Variants in GCC2 observed in about 807,000 individuals in gnomAD.
The protein encoded by GCC2 is GRIP and coiled-coil domain-containing protein 2.
In GCC2, 120 loss-of-function variants were observed where a neutral mutation model predicts 210.6. The observed-to-expected ratio is 0.57, with a 90% CI of 0.49 to 0.66. The LOEUF is 0.66. Among genes scored for constraint, GCC2 ranks in the 30% least tolerant of loss-of-function variants. The probability of loss-of-function intolerance (pLI) is 0.00; values close to 1 mark genes in which losing one functional copy is unlikely to be tolerated. For missense variants in GCC2, 1,868 were observed against 1,871.9 expected (o/e 1.00, Z 0.04); for synonymous variants, 703 against 652.7 (o/e 1.08, Z -1.17).
In GCC2 at chr2:108,469,002, C is replaced by T. The variant is rs1199929849; in HGVS notation, c.239C>T (p.Ala80Val). 1 of 1,611,768 alleles carries T rather than the reference C, an allele frequency of 6.2e-7. No individual in the cohort carries two copies. Among genetic ancestry groups the T allele is most frequent in the East Asian group, 2.2e-5 (1 of 44,800 alleles). The change falls in exon 5 of 23, where the codon GCT (alanine) becomes GTT (valine). Residue 80 changes from alanine to valine, a missense_variant. Coordinates refer to ENST00000309863, the MANE Select transcript of GCC2 (RefSeq NM_181453.4). Reference sequence around the variant, plus strand: ...TAGGCATTAACTGAACGTCTGGATGCTCTTCTTCTGGAAAAAGCAGAGACT... The same window carrying T: ...TAGGCATTAACTGAACGTCTGGATGTTCTTCTTCTGGAAAAAGCAGAGACT... The part of the protein sequence containing the change: ...IIKALTERLD[A>V]LLLEKAETEQ...
rs149724296 is a variant in GCC2, at chr2:108,472,803, T to G, written c.2788-24T>G. The G allele has an allele frequency of 2.3e-4, 322 of 1,398,720 alleles. 4 individuals carry two copies. In the African/African-American group the frequency reaches 4.1e-3, roughly 18 times the overall value. 86.6% of individuals were successfully genotyped at this position (1,398,720 alleles called of 1,614,324 possible). The stretch of plus-strand genomic sequence containing the variant: ...TTCTGGTTTTTGTTTTGTTTTGTGT[T>G]TTTTTTTCCCCTGTAAAATCTAGGA... On this transcript the variant is annotated intron_variant, in intron 6 of 22. Coordinates refer to ENST00000309863, the MANE Select transcript of GCC2 (RefSeq NM_181453.4).
At chr2:108,501,052 GTGGT>G (rs1427249596) in intron 22 of GCC2, among the ~76,000 whole-genome samples, 1 of 152,096 alleles carries the variant, frequency 6.6e-6, no homozygotes, top group Non-Finnish European at 1.5e-5. Context: ...CTGGAGTGCA[GTGGT>G]CCGATCATGG....
chr2:108,462,540 A>G (rs66477626), intron 4 of GCC2: 23,605 of 107,890 alleles, frequency 0.22, 2,492 homozygotes, highest in East Asian at 0.31. Context: ...GGAGTTGCAT[A>G]TGTCACAAAG....
intron 16 of GCC2, 43 bp downstream of exon 16, chr2:108,486,691 T>C (rs773310218): frequency 1.9e-6 from 3 of 1,575,376 alleles, no homozygotes; most frequent in South Asian, 1.2e-5. Flanking sequence ...TGGGATTTTA[T>C]TATCAGCTAG....
rs2918774 is a variant in GCC2, at chr2:108,508,580, A to G, written c.*950A>G. 4 of 147,910 alleles carry G rather than the reference A, an allele frequency of 2.7e-5. No individual in the cohort carries two copies. The highest frequency in any genetic ancestry group is 7.7e-5 in the African/African-American group (3 of 39,000). 9.2% of individuals were successfully genotyped at this position (147,910 alleles called of 1,614,324 possible). On this transcript the variant is annotated 3_prime_UTR_variant, in exon 23 of 23. Coordinates refer to ENST00000309863, the MANE Select transcript of GCC2 (RefSeq NM_181453.4). Reference sequence around the variant, plus strand: ...CCATTTTCCCAAATAAAAACCTATCACAACAGTGACTATATCACTCAGCAT... The same window carrying G: ...CCATTTTCCCAAATAAAAACCTATCGCAACAGTGACTATATCACTCAGCAT...
chr2:108,465,521 C>G (rs1680835120), intron 4 of GCC2, among the ~76,000 whole-genome samples: 1 of 152,114 alleles, frequency 6.6e-6, no homozygotes, highest in Non-Finnish European at 1.5e-5. Context: ...CCCTCTTTTG[C>G]ATCTCTAACA....
At chr2:108,472,472 TTAAG>T (rs1342569507) in intron 6 of GCC2, among the ~76,000 whole-genome samples, 16 of 152,278 alleles carry the variant, frequency 1.1e-4, no homozygotes, top group East Asian at 7.7e-4. Context: ...AGAGCACTTT[TTAAG>T]TAAGAGCTGT....
Position 108,449,624 on chromosome 2 carries a change from G to C in GCC2, c.7-9G>C, listed in dbSNP as rs1558722607. 7 of 1,613,236 alleles carry C rather than the reference G, an allele frequency of 4.3e-6. No individual in the cohort carries two copies. The highest frequency in any genetic ancestry group is 5.9e-6 in the Non-Finnish European group (7 of 1,179,222). ...TCTTCTGACACCTGGGTTTGATTTT[G>C]TTTTGCAGGATCTTGTTCAAGATGG... is the stretch of plus-strand genomic sequence containing the variant. On this transcript the variant is annotated splice_polypyrimidine_tract_variant and intron_variant, in intron 1 of 22. Transcript: ENST00000309863.
At position 108,492,650 on chromosome 2, in the gene GCC2, A is replaced by G. The variant is rs756740240; in HGVS notation, c.4307A>G (p.Asn1436Ser). The G allele has an allele frequency of 1.1e-5, 18 of 1,613,802 alleles. No individual in the cohort carries two copies. Among genetic ancestry groups the G allele is most frequent in the Non-Finnish European group, 1.3e-5 (15 of 1,179,756 alleles). The stretch of plus-strand genomic sequence containing the variant: ...ACTGTGAGTCAGCTAACATCCCAGA[A>G]CGAGGTCCTTCGAAATAGCTTCCGA... The part of the protein sequence containing the change: ...TQTVSQLTSQ[N>S]EVLRNSFRDQ... The change falls in exon 19 of 23, where the codon AAC (asparagine) becomes AGC (serine). Residue 1436 changes from asparagine (N) to serine (S), a missense_variant. Asn to Ser is a conservative substitution (Grantham distance 46, BLOSUM62 1). This residue lies in a region of GCC2 where 1,847 missense variants were observed against 1,765.2 expected (regional missense o/e 1.05). Transcript: ENST00000309863.
At chr2:108,499,996 T>G (rs1375016382) in intron 22 of GCC2, among the ~76,000 whole-genome samples, 4 of 152,220 alleles carry the variant, frequency 2.6e-5, no homozygotes, top group African/African-American at 9.6e-5. Context: ...ATCTTCTAGC[T>G]CTTTGAAAAT....
At chr2:108,464,805 A>G (rs1056613806) in intron 4 of GCC2, among the ~76,000 whole-genome samples, 2 of 152,188 alleles carry the variant, frequency 1.3e-5, no homozygotes, top group African/African-American at 4.8e-5. Flanking sequence ...AATTAATAAG[A>G]AAAGAGGTTT....
At chr2:108,458,891 C>G (rs1369664369) in intron 4 of GCC2, among the ~76,000 whole-genome samples, 1 of 151,920 alleles carries the variant, frequency 6.6e-6, no homozygotes, top group African/African-American at 2.4e-5. Context: ...GATCCTCTGC[C>G]TTTTTTAAAA....
At chr2:108,487,266 T>A (rs2104487712) in intron 16 of GCC2, among the ~76,000 whole-genome samples, 1 of 152,342 alleles carries the variant, frequency 6.6e-6, no homozygotes, top group African/African-American at 2.4e-5. Context: ...AGTGTCACTA[T>A]AAAATGTATG....
At chr2:108,485,540 A>G (rs1450859949) in intron 13 of GCC2, 96 bp from the exon 14 acceptor site, 3 of 673,328 alleles carry the variant, frequency 4.5e-6, no homozygotes, top group African/African-American at 3.6e-5. Context: ...AAACAGGCTT[A>G]AAGACAAGCC....
In GCC2 at chr2:108,509,272, TAAC is replaced by T. The variant is rs1349866474; in HGVS notation, c.*1645_*1647del. The T allele has an allele frequency of 1.3e-5, 2 of 152,656 alleles. No individual in the cohort carries two copies. The highest frequency in any genetic ancestry group is 2.4e-5 in the African/African-American group (1 of 41,446). The allele number at this position is 152,656 out of a possible 1,614,324, so 9.5% of individuals were successfully genotyped here. On this transcript the variant is annotated 3_prime_UTR_variant, in exon 23 of 23. Transcript: ENST00000309863. ...ATATAGTCTCTGCTTACGAATGTCATAACAAAATAATTTTTTGCATGATAAAAA... is the reference window on the plus strand; with the variant it reads ...ATATAGTCTCTGCTTACGAATGTCATAAAATAATTTTTTGCATGATAAAAA...
intron 17 of GCC2, among the ~76,000 whole-genome samples, chr2:108,489,213 A>T (rs1416812075): frequency 6.6e-6 from 1 of 152,170 alleles, no homozygotes; most frequent in Non-Finnish European, 1.5e-5. Context: ...TTATAACAAC[A>T]ATTTAAGAAC....
intron 6 of GCC2, among the ~76,000 whole-genome samples, chr2:108,472,539 C>G (rs183434036): frequency 6.6e-6 from 1 of 150,992 alleles, no homozygotes; most frequent in African/African-American, 2.4e-5. Flanking sequence ...GATTAAAAAT[C>G]ATTTAATCTT....
intron 22 of GCC2, among the ~76,000 whole-genome samples, chr2:108,500,717 C>G (rs993372715): frequency 5.3e-5 from 8 of 152,188 alleles, no homozygotes; most frequent in African/African-American, 1.9e-4. Flanking sequence ...CATTTACAAG[C>G]ATACAAGGAA....
intron 3 of GCC2, among the ~76,000 whole-genome samples, chr2:108,451,582 C>G (rs183099254): frequency 6.8e-6 from 1 of 147,250 alleles, no homozygotes; most frequent in African/African-American, 2.4e-5. Context: ...TCTTTTTATT[C>G]CAGAAGGAAA....
Sources: gnomAD v4.1 joint callset for allele counts (sites outside exome capture counted in the v4.1 genomes callset) on GRCh38, gnomAD v4.1.1 for gene constraint, gnomAD v4.1.1 regional missense constraint, MANE v1.5 for transcripts, NCBI Gene and HGNC (gene_info 2026-07-23, HGNC 2026-07-21) for gene names.